Variants in ATXN7L1 observed in about 807,000 individuals in gnomAD.
The protein encoded by ATXN7L1 is ataxin-7-like protein 1.
A neutral mutation model predicts 70.8 loss-of-function variants in ATXN7L1; 15 were observed. The ratio of observed to expected loss-of-function variants is 0.21; its 90% CI spans 0.14 to 0.33. The LOEUF (loss-of-function observed/expected upper bound fraction) is 0.33. Ranked by LOEUF, ATXN7L1 falls within the 10% of genes least tolerant of loss-of-function variation. The pLI is 1.00. For synonymous variants in ATXN7L1, 440 were observed against 445.1 expected (o/e 0.99, Z 0.14); for missense variants, 975 against 1,097.1 (o/e 0.89, Z 1.57).
At chr7:105,807,928 C>A (rs1244137002) in intron 2 of ATXN7L1, among the ~76,000 whole-genome samples, 3 of 152,222 alleles carry the variant, frequency 2.0e-5, no homozygotes, top group African/African-American at 7.2e-5. Flanking sequence ...TGTTGCACAG[C>A]AAAAGCTAGC....
chr7:105,737,759 C>T (rs181640910), intron 3 of ATXN7L1, among the ~76,000 whole-genome samples: 2 of 152,154 alleles, frequency 1.3e-5, no homozygotes, highest in East Asian at 1.9e-4. Flanking sequence ...AATGAAGGGG[C>T]GGAAGGAGTA....
At position 105,614,125 on chromosome 7, in the gene ATXN7L1, C is replaced by T. The variant is rs1282285485; in HGVS notation, c.2209G>A (p.Gly737Arg). ...AGGGGACAGGAGTCACTGCTGCCTC[C>T]CACCGCGCCCACCTGTCTCACTATG... ...ADIVRQVGAV[G>R]GSSDSCPLSV... Residue 737 changes from glycine to arginine, a missense_variant, in exon 10 of 12, where the codon GGA becomes AGA. This residue lies in a region of ATXN7L1 where 635 missense variants were observed against 699.4 expected (regional missense o/e 0.91). Coordinates refer to ENST00000419735, the MANE Select transcript of ATXN7L1 (RefSeq NM_020725.2). The surrounding 1 kb of genome is among the most constrained non-coding windows in gnomAD (Gnocchi z 4.3). 6.4e-7 allele frequency: 1 copy of T among 1,551,576 alleles called. No homozygotes were observed. Among genetic ancestry groups the T allele is most frequent in the Non-Finnish European group, 8.7e-7 (1 of 1,146,950 alleles).
intron 2 of ATXN7L1, among the ~76,000 whole-genome samples, chr7:105,849,060 G>A (rs1289518611): frequency 6.6e-6 from 1 of 152,134 alleles, no homozygotes; most frequent in Non-Finnish European, 1.5e-5. Context: ...CTAACCCCAC[G>A]ACACAGCAGT....
intron 2 of ATXN7L1, among the ~76,000 whole-genome samples, chr7:105,824,711 C>A (rs199569083): frequency 1.3e-5 from 2 of 151,768 alleles, no homozygotes; most frequent in African/African-American, 2.4e-5. Flanking sequence ...TTAAACAAAA[C>A]AAAACAAACC....
intron 2 of ATXN7L1, among the ~76,000 whole-genome samples, chr7:105,842,387 G>A (rs1470371927): frequency 6.6e-6 from 1 of 152,016 alleles, no homozygotes; most frequent in Non-Finnish European, 1.5e-5. Flanking sequence ...TTTTTGCTCA[G>A]CCTCTGGCAA....
chr7:105,691,905 C>T (rs545974004), intron 3 of ATXN7L1, among the ~76,000 whole-genome samples: 106 of 152,324 alleles, frequency 7.0e-4, no homozygotes, highest in Non-Finnish European at 1.2e-3. Context: ...ACCAGTTGGA[C>T]ACCAGAAGTT....
intron 2 of ATXN7L1, among the ~76,000 whole-genome samples, chr7:105,793,538 C>T (rs1489075714): frequency 6.6e-6 from 1 of 152,200 alleles, no homozygotes; most frequent in East Asian, 1.9e-4. Flanking sequence ...TGCAGAACTT[C>T]ATGTGTGTGT....
intron 2 of ATXN7L1, among the ~76,000 whole-genome samples, chr7:105,837,449 G>A (rs1309785004): frequency 7.0e-6 from 1 of 142,394 alleles, no homozygotes; most frequent in African/African-American, 2.6e-5. Flanking sequence ...AAGTTAAAAT[G>A]TGAAAAAAAA....
chr7:105,642,024 A>G (rs1388567432), intron 5 of ATXN7L1, among the ~76,000 whole-genome samples: 2 of 152,210 alleles, frequency 1.3e-5, no homozygotes, highest in Non-Finnish European at 2.9e-5. Context: ...TTCTCTGGCC[A>G]CCATCAGGGA....
At chr7:105,861,831 G>C (rs1477143928) in intron 2 of ATXN7L1, among the ~76,000 whole-genome samples, 1 of 152,178 alleles carries the variant, frequency 6.6e-6, no homozygotes, top group Non-Finnish European at 1.5e-5. Flanking sequence ...AAGCTGTAGG[G>C]TTGTCTACTG....
intron 4 of ATXN7L1, among the ~76,000 whole-genome samples, chr7:105,646,006 C>CAAA (rs34098256): frequency 8.3e-6 from 1 of 119,876 alleles, no homozygotes; most frequent in African/African-American, 3.0e-5. Context: ...GTCTCTGTCT[C>CAAA]AAAAAAAAAA....
At chr7:105,676,314 G>A (rs1446331417) in intron 3 of ATXN7L1, among the ~76,000 whole-genome samples, 2 of 152,074 alleles carry the variant, frequency 1.3e-5, no homozygotes, top group Non-Finnish European at 2.9e-5. Context: ...AACACACACC[G>A]CACAAGTCAC....
intron 3 of ATXN7L1, among the ~76,000 whole-genome samples, chr7:105,765,638 G>A (rs1446328948): frequency 3.3e-5 from 5 of 152,138 alleles, no homozygotes; most frequent in African/African-American, 4.8e-5. Context: ...TCCCCTAAAA[G>A]GTTTCCAGTA....
At chr7:105,845,367 A>G (rs1813858881) in intron 2 of ATXN7L1, among the ~76,000 whole-genome samples, 2 of 152,152 alleles carry the variant, frequency 1.3e-5, no homozygotes, top group African/African-American at 4.8e-5. Context: ...TTGTACATGG[A>G]AACTATAAAT....
intron 7 of ATXN7L1, among the ~76,000 whole-genome samples, chr7:105,634,874 G>A (rs1192895511): frequency 1.3e-5 from 2 of 151,510 alleles, no homozygotes; most frequent in Non-Finnish European, 1.5e-5. Context: ...GAGCCCAGGA[G>A]TTCAAGACCA....
chr7:105,775,093 C>T (rs1187474724), intron 3 of ATXN7L1, among the ~76,000 whole-genome samples: 3 of 152,102 alleles, frequency 2.0e-5, no homozygotes, highest in East Asian at 1.9e-4. Context: ...ATCCTTTATG[C>T]CCCCCAATTT....
At chr7:105,873,700 G>C (rs1004670487) in intron 2 of ATXN7L1, among the ~76,000 whole-genome samples, 7 of 152,224 alleles carry the variant, frequency 4.6e-5, no homozygotes, top group African/African-American at 1.4e-4. Context: ...ACACTGAACA[G>C]TGGGTGTCCT....
rs148116828 is a variant in ATXN7L1, at chr7:105,765,696, T to G, written c.355+22908A>C. Among the ~76,000 whole-genome samples, 430 of 152,352 alleles carry G rather than the reference T, an allele frequency of 2.8e-3. 4 individuals carry two copies. Among genetic ancestry groups the G allele is most frequent in the African/African-American group, 8.9e-3 (372 of 41,586 alleles). ...AACTGTGGGATTTATTTTGAAATTT[T>G]AAAGTTCATGCTAGATTTCTCCTTC... On this transcript the variant is annotated intron_variant, in intron 3 of 11. Transcript: ENST00000419735.
chr7:105,791,102 C>A (rs890628789), intron 2 of ATXN7L1, among the ~76,000 whole-genome samples: 1 of 152,340 alleles, frequency 6.6e-6, no homozygotes, highest in South Asian at 2.1e-4. Context: ...TTATCATAGG[C>A]AAGGGGTGAG....
Sources: allele counts gnomAD v4.1 joint callset (sites outside exome capture counted in the v4.1 genomes callset), GRCh38; gene constraint gnomAD v4.1.1; regional missense constraint gnomAD v4.1.1; non-coding constraint Gnocchi (gnomAD v3.1); transcripts MANE v1.5; gene names NCBI Gene and HGNC (gene_info 2026-07-23, HGNC 2026-07-21).